The following PIK3CD variants were observed in gnomAD, a reference collection of about 807,000 sequenced individuals.
PIK3CD encodes the protein phosphatidylinositol 4,5-bisphosphate 3-kinase catalytic subunit delta isoform.
A neutral mutation model predicts 122.9 loss-of-function variants in PIK3CD; 20 were observed. The ratio of observed to expected loss-of-function variants is 0.16; its 90% CI spans 0.11 to 0.24. The LOEUF is 0.24. PIK3CD is among the 10% of genes least tolerant of loss of function. PIK3CD has a pLI of 1.00. For synonymous variants in PIK3CD, 596 were observed against 593.4 expected, an observed-to-expected ratio of 1.00 and a Z score of -0.06; for missense variants, 787 against 1,406.3, an observed-to-expected ratio of 0.56 and a Z score of 7.04.
chr1:9,715,825 GACCCAGCCC>G lies in PIK3CD; in HGVS notation c.371-23_371-15del. On this transcript the variant is annotated splice_polypyrimidine_tract_variant and intron_variant, in intron 4 of 23. Coordinates refer to ENST00000377346, the MANE Select transcript of PIK3CD (RefSeq NM_005026.5). This position sits in a 1 kb window ranked among gnomAD's most constrained non-coding sequence, Gnocchi z 4.1. ...GCTGGCCCTGCCTGCCCCACCCGCT[GACCCAGCCC>G]TCCCCACCCCGCAGGCCTCCACGAG... 1.3e-6 allele frequency: 2 copies of G among 1,586,078 alleles called. No homozygotes were observed. Among genetic ancestry groups the G allele is most frequent in the Non-Finnish European group, 1.7e-6 (2 of 1,155,840 alleles).
chr1:9,695,975 CTT>C (rs577549219), intron 2 of PIK3CD, among the ~76,000 whole-genome samples: 11 of 143,704 alleles, frequency 7.7e-5, no homozygotes, highest in Non-Finnish European at 3.1e-5. Flanking sequence ...ACATTAAAGA[CTT>C]TTTTTTTTTT....
intron 2 of PIK3CD, among the ~76,000 whole-genome samples, chr1:9,702,423 T>G (rs1279340211): frequency 1.3e-5 from 2 of 150,468 alleles, no homozygotes; most frequent in African/African-American, 4.9e-5. Context: ...TGGACTCCTC[T>G]GTGTGCCTCT....
intron 2 of PIK3CD, among the ~76,000 whole-genome samples, chr1:9,705,160 G>A (rs528690091): frequency 1.7e-4 from 26 of 152,086 alleles, no homozygotes; most frequent in Admixed American, 1.2e-3. Context: ...TAATTTGACC[G>A]CATCAACATT....
chr1:9,645,509 A>C, the PIK3CD span, among the ~76,000 whole-genome samples: 1 of 151,636 alleles, frequency 6.6e-6, no homozygotes, highest in Admixed American at 6.6e-5. Context: ...CCCAGGCTGG[A>C]GTGCAATGGC....
intron 1 of PIK3CD, chr1:9,654,429 G>T: frequency 2.2e-6 from 3 of 1,367,330 alleles, no homozygotes; most frequent in Non-Finnish European, 2.9e-6. Flanking sequence ...GGCAGACTGG[G>T]AGGGCATCAG....
At chr1:9,675,994 C>CA (rs1645522451) in intron 1 of PIK3CD, among the ~76,000 whole-genome samples, 1 of 149,304 alleles carries the variant, frequency 6.7e-6, no homozygotes, top group African/African-American at 2.5e-5. Flanking sequence ...TGCAATGGCA[C>CA]AGTCTCGGCC....
chr1:9,657,599 T>G (rs12406487), intron 1 of PIK3CD, among the ~76,000 whole-genome samples: 4,124 of 152,034 alleles, frequency 0.027, 151 homozygotes, highest in Admixed American at 0.1. Flanking sequence ...AGCAGAAAAC[T>G]TCTGGAGCTC....
intron 1 of PIK3CD, among the ~76,000 whole-genome samples, chr1:9,684,866 GAAA>G (rs1645907595): frequency 7.1e-5 from 10 of 140,418 alleles, no homozygotes; most frequent in African/African-American, 1.6e-4. Context: ...AAAAAAGAAA[GAAA>G]AAAGAAAAAA....
chr1:9,677,701 T>TGA (rs1428280106), intron 1 of PIK3CD, among the ~76,000 whole-genome samples: 45 of 151,904 alleles, frequency 3.0e-4, no homozygotes, highest in Non-Finnish European at 4.4e-4. Context: ...TTATAGGCCG[T>TGA]GATCTTCCAG....
rs772912444 is a variant in PIK3CD, at chr1:9,721,122, C to G, written c.1690-5C>G. On this transcript the variant is annotated splice_region_variant and splice_polypyrimidine_tract_variant and intron_variant, in intron 13 of 23. Coordinates refer to ENST00000377346, the MANE Select transcript of PIK3CD (RefSeq NM_005026.5). ...GCCCCCAAGCCTGACCTCGGCTCCC[C>G]CCAGATGCTCTACCTGCTGTGCTCC... 1 of 1,610,472 alleles carries G rather than the reference C, an allele frequency of 6.2e-7. No individual in the cohort carries two copies. Among genetic ancestry groups the G allele is most frequent in the Non-Finnish European group, 8.5e-7 (1 of 1,179,772 alleles).
chr1:9,634,579 A>G, the PIK3CD span, among the ~76,000 whole-genome samples: 2 of 152,232 alleles, frequency 1.3e-5, no homozygotes, highest in Non-Finnish European at 2.9e-5. Flanking sequence ...GATTACAGGC[A>G]TGAGCCACTG....
intron 2 of PIK3CD, among the ~76,000 whole-genome samples, chr1:9,703,931 G>C (rs1646741536): frequency 6.6e-6 from 1 of 152,152 alleles, no homozygotes. Flanking sequence ...AACTTTAGTA[G>C]ATATTGTCAA....
chr1:9,630,839 G>T, the PIK3CD span, among the ~76,000 whole-genome samples: 2 of 152,036 alleles, frequency 1.3e-5, no homozygotes, highest in East Asian at 1.9e-4. Flanking sequence ...GGATGTTCTG[G>T]AGCTACAAGT....
chr1:9,720,916 G>T lies in PIK3CD; in HGVS notation c.1689+7G>T. ...GCATGAGGATGTGGCCCAGGTGGGT[G>T]GGGAGGCGCACCTGGGGGCGGAGCT... On this transcript the variant is annotated splice_region_variant and intron_variant, in intron 13 of 23. Transcript: ENST00000377346. This position sits in a 1 kb window ranked among gnomAD's most constrained non-coding sequence, Gnocchi z 9.0. The T allele has an allele frequency of 6.3e-7, 1 of 1,579,994 alleles. No individual in the cohort carries two copies.
At chr1:9,651,266 T>C (rs1286034696), upstream of PIK3CD, among the ~76,000 whole-genome samples, 1 of 152,154 alleles carries the variant, frequency 6.6e-6, no homozygotes, top group Non-Finnish European at 1.5e-5. Context: ...TATTTTGGGG[T>C]GGCACACGCT....
At chr1:9,713,908 A>G (rs1170059223) in intron 3 of PIK3CD, among the ~76,000 whole-genome samples, 1 of 144,796 alleles carries the variant, frequency 6.9e-6, no homozygotes, top group African/African-American at 2.6e-5. Flanking sequence ...GCTGTAGTGC[A>G]GTGGCATGAT....
At chr1:9,641,506 C>T in the PIK3CD span, among the ~76,000 whole-genome samples, 1 of 152,094 alleles carries the variant, frequency 6.6e-6, no homozygotes, top group Admixed American at 6.6e-5. Flanking sequence ...GATGTGAACC[C>T]TAGGTAGCCT....
At chr1:9,674,301 C>T (rs1440175009) in intron 1 of PIK3CD, among the ~76,000 whole-genome samples, 6 of 152,174 alleles carry the variant, frequency 3.9e-5, no homozygotes, top group African/African-American at 1.2e-4. Flanking sequence ...TTTTCATTAA[C>T]GTAGCTTGCC....
upstream of PIK3CD, among the ~76,000 whole-genome samples, chr1:9,650,274 T>C (rs1307954353): frequency 6.6e-6 from 1 of 151,918 alleles, no homozygotes; most frequent in East Asian, 1.9e-4. Context: ...ATACAAAAAT[T>C]AGCCAGGCAC....
Sources: gnomAD v4.1 joint callset for allele counts (sites outside exome capture counted in the v4.1 genomes callset) on GRCh38, gnomAD v4.1.1 for gene constraint, Gnocchi (gnomAD v3.1) non-coding constraint, MANE v1.5 for transcripts, NCBI Gene and HGNC (gene_info 2026-07-23, HGNC 2026-07-21) for gene names.